The following MTUS2 variants were observed in gnomAD, a reference collection of about 807,000 sequenced individuals.
MTUS2 encodes microtubule-associated tumor suppressor candidate 2.
Under a neutral mutation model 114.1 loss-of-function variants are expected in MTUS2, and 40 were observed. The observed-to-expected ratio is 0.35, with a 90% CI of 0.27 to 0.46. The LOEUF (loss-of-function observed/expected upper bound fraction) is 0.46. Ranked by LOEUF, MTUS2 falls within the 20% of genes least tolerant of loss-of-function variation. The pLI, the probability that MTUS2 is intolerant of heterozygous loss-of-function variation, is 1.00. For synonymous variants in MTUS2, 688 were observed against 672.0 expected (o/e 1.02, Z -0.37); for missense variants, 1,679 against 1,705.4 (o/e 0.98, Z 0.27).
intron 2 of MTUS2, among the ~76,000 whole-genome samples, chr13:28,861,705 G>A (rs1876996267): frequency 6.6e-6 from 1 of 152,120 alleles, no homozygotes; most frequent in South Asian, 2.1e-4. Flanking sequence ...GCACTTGGTT[G>A]GTACTTACTG....
intron 4 of MTUS2, among the ~76,000 whole-genome samples, chr13:29,087,354 A>G (rs927307073): frequency 5.3e-5 from 8 of 152,164 alleles, no homozygotes; most frequent in Admixed American, 4.6e-4. Context: ...TGTCTATGAG[A>G]TTATTATGTG....
chr13:29,371,485 T>C (rs1871188714), intron 8 of MTUS2, among the ~76,000 whole-genome samples: 1 of 152,254 alleles, frequency 6.6e-6, no homozygotes, highest in Non-Finnish European at 1.5e-5. Context: ...TCCAAAGTGC[T>C]GGGATTACAG....
intron 4 of MTUS2, among the ~76,000 whole-genome samples, chr13:29,084,532 C>G (rs1385976202): frequency 1.3e-5 from 2 of 149,022 alleles, no homozygotes; most frequent in African/African-American, 4.9e-5. Flanking sequence ...CCCCTCTCCC[C>G]CCCTTCTTTT....
chr13:29,036,528 C>G (rs1021351268), intron 4 of MTUS2, among the ~76,000 whole-genome samples: 15 of 152,108 alleles, frequency 9.9e-5, no homozygotes, highest in African/African-American at 3.4e-4. Context: ...ATTAAGTTGG[C>G]TTGGTCCAGA....
At chr13:28,994,482 C>A (rs1015636422) in intron 2 of MTUS2, among the ~76,000 whole-genome samples, 24 of 152,212 alleles carry the variant, frequency 1.6e-4, no homozygotes, top group Non-Finnish European at 3.4e-4. Context: ...GCCACACCGA[C>A]TTCCACATGG....
At position 29,307,016 on chromosome 13, in the gene MTUS2, G is replaced by A. The variant is rs111562809; in HGVS notation, c.2807-17597G>A. ...AATCTCATCACCATCTTCCAGGAGC[G>A]AGATCCCTCCAAAATCAAATGGGGT... On this transcript the variant is annotated intron_variant, in intron 6 of 15. Coordinates refer to ENST00000612955, the MANE Select transcript of MTUS2 (RefSeq NM_001033602.4). 1,278 of 531,806 alleles carry A rather than the reference G, an allele frequency of 2.4e-3. 15 individuals carry two copies. The highest frequency in any genetic ancestry group is 0.021 in the African/African-American group (1,130 of 52,588). The allele number at this position is 531,806 out of a possible 1,614,324, so 32.9% of individuals were successfully genotyped here.
intron 5 of MTUS2, among the ~76,000 whole-genome samples, chr13:29,144,979 C>T (rs1892372328): frequency 6.6e-6 from 1 of 152,180 alleles, no homozygotes; most frequent in Non-Finnish European, 1.5e-5. Context: ...AATTATCAGA[C>T]ATGTTATTCA....
chr13:29,249,278 C>T (rs962717803), intron 5 of MTUS2, among the ~76,000 whole-genome samples: 6 of 152,122 alleles, frequency 3.9e-5, no homozygotes, highest in East Asian at 3.8e-4. Context: ...CTTGAGTCAC[C>T]GCACCCAGCC....
intron 8 of MTUS2, among the ~76,000 whole-genome samples, chr13:29,380,922 CAAAAAAAAAAAAA>C (rs1220256945): frequency 1.2e-4 from 1 of 8,166 alleles, no homozygotes. Flanking sequence ...GACTCCGTCT[CAAAAAAAAAAAAA>C]AAAAAAAAAA....
At chr13:29,105,341 G>A (rs1243278662) in intron 5 of MTUS2, among the ~76,000 whole-genome samples, 1 of 152,060 alleles carries the variant, frequency 6.6e-6, no homozygotes, top group African/African-American at 2.4e-5. Flanking sequence ...GGATGACTTA[G>A]GTTTCATAAA....
intron 14 of MTUS2, among the ~76,000 whole-genome samples, chr13:29,500,667 T>G (rs1408443124): frequency 6.6e-6 from 1 of 152,182 alleles, no homozygotes; most frequent in Admixed American, 6.5e-5. Context: ...TGCAGTGTGG[T>G]TGACCCTTTG....
Position 29,464,158 on chromosome 13 carries a change from A to G in MTUS2, c.3185-15992A>G, listed in dbSNP as rs116778353. 3.1e-3 allele frequency among the ~76,000 whole-genome samples: 467 copies of G among 152,318 alleles called. 7 individuals are homozygous for G. The highest frequency in any genetic ancestry group is 0.025 in the South Asian group (119 of 4,830). ...TCTTGCAGATGTGGAAGGTGCCTGC[A>G]AGGAGGCTGGGAACAGGTGTGGAGA... is the stretch of plus-strand genomic sequence containing the variant. On this transcript the variant is annotated intron_variant, in intron 9 of 15. Coordinates refer to ENST00000612955, the MANE Select transcript of MTUS2 (RefSeq NM_001033602.4).
At chr13:28,908,749 A>T (rs964279737) in intron 2 of MTUS2, among the ~76,000 whole-genome samples, 5 of 151,468 alleles carry the variant, frequency 3.3e-5, no homozygotes, top group Non-Finnish European at 7.4e-5. Context: ...TTCGTTTTAG[A>T]CATGAGTCCT....
chr13:28,892,875 C>G (rs936614779), intron 2 of MTUS2, among the ~76,000 whole-genome samples: 3 of 152,158 alleles, frequency 2.0e-5, no homozygotes, highest in African/African-American at 7.2e-5. Flanking sequence ...TGAGAGTTCA[C>G]AGGAAGGAGG....
At chr13:29,098,194 G>C (rs1041097659) in intron 4 of MTUS2, among the ~76,000 whole-genome samples, 2 of 152,142 alleles carry the variant, frequency 1.3e-5, no homozygotes, top group Admixed American at 6.5e-5. Context: ...TGTGGTACAA[G>C]CTTGGCTAAT....
chr13:28,882,496 G>A (rs1878351528), intron 2 of MTUS2, among the ~76,000 whole-genome samples: 1 of 152,140 alleles, frequency 6.6e-6, no homozygotes, highest in Non-Finnish European at 1.5e-5. Flanking sequence ...CAGCAACTCA[G>A]GGGCTGGGGT....
At chr13:28,950,316 C>T (rs1882745479) in intron 2 of MTUS2, among the ~76,000 whole-genome samples, 1 of 152,120 alleles carries the variant, frequency 6.6e-6, no homozygotes. Context: ...TGTTGTTGAG[C>T]TGTGGAAGCT....
At chr13:28,927,877 T>G (rs1463343254) in intron 2 of MTUS2, among the ~76,000 whole-genome samples, 1 of 152,130 alleles carries the variant, frequency 6.6e-6, no homozygotes, top group African/African-American at 2.4e-5. Flanking sequence ...ACTACAAAGC[T>G]ACAGTAACCA....
chr13:29,498,619 G>A, intron 14 of MTUS2, 82 bp downstream of exon 14: 1 of 1,577,226 alleles, frequency 6.3e-7, no homozygotes, highest in Non-Finnish European at 8.6e-7. Context: ...ATGGTGTTCA[G>A]CCAGGTGTGT....
Sources: gnomAD v4.1 joint callset for allele counts (sites outside exome capture counted in the v4.1 genomes callset) on GRCh38, gnomAD v4.1.1 for gene constraint, MANE v1.5 for transcripts, NCBI Gene and HGNC (gene_info 2026-07-23, HGNC 2026-07-21) for gene names.